Variants in MMEL1 observed in about 807,000 individuals in gnomAD.
MMEL1 encodes the protein membrane metalloendopeptidase like 1, also known as membrane metallo-endopeptidase-like 1.
Under a neutral mutation model 117.1 loss-of-function variants are expected in MMEL1, and 98 were observed. The ratio of observed to expected loss-of-function variants is 0.84; its 90% CI spans 0.71 to 0.99. The LOEUF is 0.99. Ranked by LOEUF, MMEL1 falls within the 50% of genes least tolerant of loss-of-function variation. The pLI, the probability that MMEL1 is intolerant of heterozygous loss-of-function variation, is 0.00. For synonymous variants in MMEL1, 390 were observed against 415.1 expected (o/e 0.94, Z 0.74); for missense variants, 1,014 against 1,049.1 (o/e 0.97, Z 0.46).
chr1:2,590,869 A>T lies in MMEL1; in HGVS notation c.*121T>A. 1.4e-6 allele frequency: 1 copy of T among 734,612 alleles called. No homozygotes were observed. Among genetic ancestry groups the T allele is most frequent in the Non-Finnish European group, 2.0e-6 (1 of 505,196 alleles). 45.5% of individuals were successfully genotyped at this position (734,612 alleles called of 1,614,324 possible). ...CCTAGGCCAGGCGCAGAGGCCTGGC[A>T]GGCAGGCTTGGCATGGTTGGCCGGG... On this transcript the variant is annotated 3_prime_UTR_variant, in exon 24 of 24. Coordinates refer to ENST00000378412, the MANE Select transcript of MMEL1 (RefSeq NM_033467.4).
intron 19 of MMEL1, 142 bp downstream of exon 19, chr1:2,593,672 G>T: frequency 8.2e-7 from 1 of 1,221,098 alleles, no homozygotes; most frequent in Non-Finnish European, 1.1e-6. Flanking sequence ...AGCCTGCTCT[G>T]CCCCCACAGC....
chr1:2,598,265 A>G lies in MMEL1; in HGVS notation c.1214T>C (p.Leu405Pro), dbSNP rs773403239. The change falls in exon 13 of 24, where the codon CTG (leucine) becomes CCG (proline). Residue 405 changes from leucine to proline, a missense_variant. By Grantham distance (98) the Leu-to-Pro change is moderately conservative. Transcript: ENST00000378412. ...CTGGCTTAGGCTACCAATGCGGTCC[A>G]GCACCAGGCGCCAGACCAGGTAGTT... ...IQNYLVWRLV[L>P]DRIGSLSQRF... 2 of 1,614,136 alleles carry G rather than the reference A, an allele frequency of 1.2e-6. No individual in the cohort carries two copies. The highest frequency in any genetic ancestry group is 2.2e-5 in the East Asian group (1 of 44,882).
chr1:2,594,526 C>T, intron 17 of MMEL1, 83 bp from the exon 18 acceptor site: 14 of 1,448,414 alleles, frequency 9.7e-6, no homozygotes, highest in Non-Finnish European at 1.3e-5. Context: ...GGACCAGGGC[C>T]TACCCTGGCC....
intron 1 of MMEL1, 63 bp from the exon 2 acceptor site, chr1:2,629,584 C>A: frequency 7.4e-7 from 1 of 1,345,998 alleles, no homozygotes; most frequent in Non-Finnish European, 9.6e-7. Context: ...CGGCCCGAGG[C>A]TGGAAGGGCC....
intron 2 of MMEL1, among the ~76,000 whole-genome samples, chr1:2,629,008 C>T (rs1316376528): frequency 6.6e-6 from 1 of 151,894 alleles, no homozygotes; most frequent in Non-Finnish European, 1.5e-5. Context: ...CGGGTCTGCG[C>T]CCCCCACCCT....
intron 4 of MMEL1, 120 bp from the exon 5 acceptor site, chr1:2,609,951 T>C: frequency 8.9e-7 from 1 of 1,123,372 alleles, no homozygotes; most frequent in Non-Finnish European, 1.3e-6. Context: ...CTGCTGTCCA[T>C]CCAGTCGCAG....
intron 2 of MMEL1, among the ~76,000 whole-genome samples, chr1:2,616,798 G>T (rs1557550652): frequency 6.6e-6 from 1 of 152,214 alleles, no homozygotes; most frequent in East Asian, 1.9e-4. Flanking sequence ...GACAACTGAA[G>T]AGGCGAGTTC....
intron 13 of MMEL1, among the ~76,000 whole-genome samples, chr1:2,597,204 G>A (rs1472212152): frequency 6.6e-6 from 1 of 152,088 alleles, no homozygotes; most frequent in Non-Finnish European, 1.5e-5. Context: ...TCTGCCCAGC[G>A]TCCTGCCACA....
Position 2,592,955 on chromosome 1 carries a change from C to T in MMEL1, c.1879G>A (p.Asp627Asn), listed in dbSNP as rs767710395. 22 of 1,613,370 alleles carry T rather than the reference C, an allele frequency of 1.4e-5. No homozygotes were observed. Among genetic ancestry groups the T allele is most frequent in the African/African-American group, 6.7e-5 (5 of 74,906 alleles). ...CAATCCATCATGTTGCCATTCTTGTCGAAGTTCCGGCCTGGGCAGGGGCAG... is the reference window on the plus strand; with the variant it reads ...CAATCCATCATGTTGCCATTCTTGTTGAAGTTCCGGCCTGGGCAGGGGCAG... Reference protein sequence around the residue: ...HGFDDNGRNFDKNGNMMDWWS... With the variant: ...HGFDDNGRNFNKNGNMMDWWS... The change falls in exon 20 of 24, where the codon GAC becomes AAC. Residue 627 changes from aspartate to asparagine, a missense_variant. Asp to Asn is a conservative substitution (Grantham distance 23). Transcript: ENST00000378412.
intron 2 of MMEL1, among the ~76,000 whole-genome samples, chr1:2,621,898 C>T (rs1168017508): frequency 6.6e-6 from 1 of 152,102 alleles, no homozygotes; most frequent in Non-Finnish European, 1.5e-5. Flanking sequence ...TTATGTTTCC[C>T]GAAAATGTGT....
intron 1 of MMEL1, among the ~76,000 whole-genome samples, chr1:2,630,598 CGT>C (rs1347991578): frequency 4.5e-5 from 6 of 133,916 alleles, no homozygotes; most frequent in Non-Finnish European, 7.9e-5. Context: ...TGTGTGTCCT[CGT>C]GTGTGCATGT....
chr1:2,590,918 C>T lies in MMEL1; in HGVS notation c.*72G>A. On this transcript the variant is annotated 3_prime_UTR_variant, in exon 24 of 24. Coordinates refer to ENST00000378412, the MANE Select transcript of MMEL1 (RefSeq NM_033467.4). ...GGGCGGGACGTACACTGGGTCGCCG[C>T]TAGCTGCACCTTCGCACAGATGCCT... 1 of 1,217,586 alleles carries T rather than the reference C, an allele frequency of 8.2e-7. No homozygotes were observed. Among genetic ancestry groups the T allele is most frequent in the Non-Finnish European group, 1.1e-6 (1 of 930,498 alleles). 75.4% of individuals were successfully genotyped at this position (1,217,586 alleles called of 1,614,324 possible).
intron 9 of MMEL1, among the ~76,000 whole-genome samples, chr1:2,605,013 G>A (rs1470135055): frequency 6.6e-6 from 1 of 152,132 alleles, no homozygotes; most frequent in Admixed American, 6.5e-5. Flanking sequence ...GGCCCTCTGG[G>A]GCATTCATGC....
chr1:2,609,477 C>G, intron 5 of MMEL1, 58 bp from the exon 6 acceptor site: 1 of 1,564,698 alleles, frequency 6.4e-7, no homozygotes, highest in Admixed American at 1.8e-5. Context: ...GGCCAGGTCA[C>G]AGGTCCCTAC....
intron 2 of MMEL1, among the ~76,000 whole-genome samples, chr1:2,618,655 A>C (rs1645241273): frequency 6.6e-6 from 1 of 152,242 alleles, no homozygotes; most frequent in Non-Finnish European, 1.5e-5. Context: ...CTCGCGGAGA[A>C]GCCAATTTAA....
chr1:2,591,705 A>G, intron 22 of MMEL1, 72 bp from the exon 23 acceptor site: 2 of 1,173,828 alleles, frequency 1.7e-6, no homozygotes, highest in African/African-American at 1.5e-5. Context: ...GAGGGTCTCC[A>G]CTATCCCCAG....
chr1:2,623,247 A>C (rs1299814586), intron 2 of MMEL1, among the ~76,000 whole-genome samples: 2 of 152,204 alleles, frequency 1.3e-5, no homozygotes. Context: ...ACTGTTCTAA[A>C]TGCTTGTATT....
chr1:2,629,407 C>T lies in MMEL1; in HGVS notation c.78G>A (p.Glu26=), dbSNP rs567729151. The T allele has an allele frequency of 3.2e-6, 5 of 1,546,332 alleles. No homozygotes were observed. The highest frequency in any genetic ancestry group is 4.4e-6 in the Non-Finnish European group (5 of 1,146,300). Residue 26 remains glutamate, a synonymous_variant, in exon 2 of 24, where the codon GAG becomes GAA. Coordinates refer to ENST00000378412, the MANE Select transcript of MMEL1 (RefSeq NM_033467.4). ...RAGQKRPGFL[E]GGLLLLLLLV... ...GCAGCAGCAGCAGCAGCAGCCCCCCCTCCAGGAACCCCGGGCGCTTCTGCC... is the reference window on the plus strand; with the variant it reads ...GCAGCAGCAGCAGCAGCAGCCCCCCTTCCAGGAACCCCGGGCGCTTCTGCC...
At chr1:2,625,710 G>T (rs1266382204) in intron 2 of MMEL1, among the ~76,000 whole-genome samples, 1 of 152,168 alleles carries the variant, frequency 6.6e-6, no homozygotes, top group Non-Finnish European at 1.5e-5. Flanking sequence ...CATGAACTGG[G>T]TGCTTTCTGA....
Sources: allele counts gnomAD v4.1 joint callset (sites outside exome capture counted in the v4.1 genomes callset), GRCh38; gene constraint gnomAD v4.1.1; transcripts MANE v1.5; gene names NCBI Gene and HGNC (gene_info 2026-07-23, HGNC 2026-07-21).